TEX14: variants seen among roughly 807,000 people sequenced by gnomAD.
The protein encoded by TEX14 is testis expressed 14, intercellular bridge forming factor.
A neutral mutation model predicts 178.6 loss-of-function variants in TEX14; 168 were observed. The observed-to-expected ratio is 0.94, with a 90% CI of 0.83 to 1.07. TEX14 has a LOEUF of 1.07. Among genes scored for constraint, TEX14 ranks in the 50% least tolerant of loss-of-function variants. The pLI is 0.00. For synonymous variants in TEX14, 626 were observed against 634.1 expected (o/e 0.99, Z 0.19); for missense variants, 1,730 against 1,753.6 (o/e 0.99, Z 0.24).
intron 1 of TEX14, chr17:58,660,288 C>T (rs549008587): frequency 5.8e-6 from 1 of 172,744 alleles, no homozygotes; most frequent in African/African-American, 2.4e-5. Flanking sequence ...GTAATCCCAG[C>T]TACTCGGGAG....
chr17:58,670,328 T>G (rs1278230284), intron 1 of TEX14, among the ~76,000 whole-genome samples: 1 of 152,056 alleles, frequency 6.6e-6, no homozygotes, highest in Non-Finnish European at 1.5e-5. Context: ...TGCCTATCTA[T>G]CCATCTATCT....
rs151292866 is a variant in TEX14 at position 58,631,973 on chromosome 17, G to T, written c.137-1419C>A. 166 of 152,234 alleles carry T rather than the reference G, an allele frequency of 1.1e-3. 1 individual carries two copies. Among genetic ancestry groups the T allele is most frequent in the African/African-American group, 3.9e-3 (161 of 41,554 alleles). The allele number at this position is 152,234 out of a possible 1,614,324, so 9.4% of individuals were successfully genotyped here. A position where few individuals can be genotyped will look rare whatever the true frequency, so the allele number is the denominator to read the frequency against. On this transcript the variant is annotated intron_variant, in intron 2 of 31. Coordinates refer to ENST00000349033, the MANE Select transcript of TEX14 (RefSeq NM_031272.5). ...CAAAAACGATCTTTCCACTACCAAA[G>T]TTCGAAAAAGCATTTAAAATAAGCT...
intron 2 of TEX14, among the ~76,000 whole-genome samples, chr17:58,632,773 G>T (rs533608197): frequency 2.6e-5 from 4 of 152,294 alleles, no homozygotes; most frequent in Non-Finnish European, 4.4e-5. Context: ...TTAAAGCAGG[G>T]AAGGGGAGAG....
intron 1 of TEX14, chr17:58,675,202 T>C (rs2047376370): frequency 6.6e-6 from 1 of 151,994 alleles, no homozygotes; most frequent in Non-Finnish European, 1.5e-5. Context: ...TCAATATTCT[T>C]AGCCATCAGG....
At chr17:58,687,446 TAC>T (rs1159576428) in intron 1 of TEX14, among the ~76,000 whole-genome samples, 1 of 152,084 alleles carries the variant, frequency 6.6e-6, no homozygotes, top group African/African-American at 2.4e-5. Flanking sequence ...CCGTGCGGGT[TAC>T]AGAGTGGTGC....
At chr17:58,557,930 C>G (rs573182558) in intron 30 of TEX14, 80 bp from the exon 31 acceptor site, 1 of 1,080,440 alleles carries the variant, frequency 9.3e-7, no homozygotes, top group East Asian at 2.4e-5. Context: ...TATTAGTGCT[C>G]CCTCTAATTT....
intron 1 of TEX14, among the ~76,000 whole-genome samples, chr17:58,684,709 T>C (rs914255541): frequency 6.6e-6 from 1 of 151,902 alleles, no homozygotes; most frequent in Admixed American, 6.6e-5. Context: ...CCACTTATTT[T>C]TTAAAAACTC....
At chr17:58,648,612 C>T (rs1319005832) in intron 2 of TEX14, among the ~76,000 whole-genome samples, 3 of 152,052 alleles carry the variant, frequency 2.0e-5, no homozygotes, top group African/African-American at 7.2e-5. Context: ...CTGGTGGCAG[C>T]TTGGGGTAGG....
chr17:58,603,909 G>C (rs1452953991), intron 11 of TEX14, among the ~76,000 whole-genome samples: 9 of 146,574 alleles, frequency 6.1e-5, no homozygotes, highest in African/African-American at 2.3e-4. Context: ...GTGTGTGTGT[G>C]TGTGTGTGTG....
At position 58,623,468 on chromosome 17, in the gene TEX14, G is replaced by A. The variant is rs568906674; in HGVS notation, c.252-456C>T. Among the ~76,000 whole-genome samples the A allele has an allele frequency of 1.1e-4, 17 of 152,102 alleles. 1 individual carries two copies. The highest frequency in any genetic ancestry group is 3.9e-4 in the African/African-American group (16 of 41,506). On this transcript the variant is annotated intron_variant, in intron 3 of 31. Transcript: ENST00000349033. ...TCTCGTTTGAGAATGTCTCCCCACAGCCCCCCAAGAAAATCCTGTGGTAGA... is the reference window on the plus strand; with the variant it reads ...TCTCGTTTGAGAATGTCTCCCCACAACCCCCCAAGAAAATCCTGTGGTAGA...
At chr17:58,572,473 A>G (rs1213431714) in intron 23 of TEX14, among the ~76,000 whole-genome samples, 1 of 152,152 alleles carries the variant, frequency 6.6e-6, no homozygotes, top group Non-Finnish European at 1.5e-5. Context: ...TCTACTAAAA[A>G]TACAAAACAT....
chr17:58,655,667 G>A (rs868336746), intron 1 of TEX14, among the ~76,000 whole-genome samples: 6 of 152,166 alleles, frequency 3.9e-5, no homozygotes, highest in Middle Eastern at 3.4e-3. Context: ...TGGACTGTGA[G>A]AACAAAAAGC....
At chr17:58,629,182 C>A (rs2046220857) in intron 3 of TEX14, among the ~76,000 whole-genome samples, 1 of 152,164 alleles carries the variant, frequency 6.6e-6, no homozygotes, top group Admixed American at 6.5e-5. Flanking sequence ...GATGTTCGGC[C>A]AAGTACAGTG....
Position 58,570,496 on chromosome 17 carries a change from A to G in TEX14, c.3718-12T>C. 2.6e-6 allele frequency: 4 copies of G among 1,511,860 alleles called. No homozygotes were observed. The highest frequency in any genetic ancestry group is 2.7e-5 in the South Asian group (2 of 74,194). The allele number at this position is 1,511,860 out of a possible 1,614,324, so 93.7% of individuals were successfully genotyped here. On this transcript the variant is annotated splice_polypyrimidine_tract_variant and intron_variant, in intron 24 of 31. Coordinates refer to ENST00000349033, the MANE Select transcript of TEX14 (RefSeq NM_031272.5). The stretch of plus-strand genomic sequence containing the variant: ...GAAGACAATCTTTTCTATAAGGAAG[A>G]GATAAACATGGTAACTGTCATGTGT...
intron 1 of TEX14, among the ~76,000 whole-genome samples, chr17:58,674,614 G>A (rs911539056): frequency 6.6e-6 from 1 of 151,986 alleles, no homozygotes; most frequent in Non-Finnish European, 1.5e-5. Context: ...AGGTTGCAGT[G>A]AGCCGAGATC....
intron 22 of TEX14, among the ~76,000 whole-genome samples, 182 bp from the exon 23 acceptor site, chr17:58,573,490 A>C (rs2044592008): frequency 6.6e-6 from 1 of 152,180 alleles, no homozygotes; most frequent in Admixed American, 6.5e-5. Flanking sequence ...AACATATTTA[A>C]AAGAGATTGT....
At chr17:58,594,862 A>G (rs992531853) in intron 14 of TEX14, among the ~76,000 whole-genome samples, 1 of 152,192 alleles carries the variant, frequency 6.6e-6, no homozygotes, top group Non-Finnish European at 1.5e-5. Context: ...ATTTTAACAT[A>G]ATTTTAACAA....
chr17:58,586,869 T>G (rs908062368), intron 17 of TEX14, among the ~76,000 whole-genome samples: 2 of 152,066 alleles, frequency 1.3e-5, no homozygotes, highest in African/African-American at 4.8e-5. Context: ...GCACGTTAGG[T>G]GAACTAGTGT....
Position 58,660,837 on chromosome 17 carries a change from T to C in TEX14, c.-1-8835A>G, listed in dbSNP as rs572260900. Reference sequence around the variant, plus strand: ...CTTGGATAGCCAGCGCCAAATACTTTGGCTTGCGCCATGTTCCGAGTGAGA... The same window carrying C: ...CTTGGATAGCCAGCGCCAAATACTTCGGCTTGCGCCATGTTCCGAGTGAGA... On this transcript the variant is annotated intron_variant, in intron 1 of 31. Coordinates refer to ENST00000349033, the MANE Select transcript of TEX14 (RefSeq NM_031272.5). 1.3e-4 allele frequency: 105 copies of C among 786,414 alleles called. No homozygotes were observed. In the South Asian group the frequency reaches 1.4e-3, roughly 10 times the overall value. The allele number at this position is 786,414 out of a possible 1,614,324, so 48.7% of individuals were successfully genotyped here.
Sources: allele counts gnomAD v4.1 joint callset (sites outside exome capture counted in the v4.1 genomes callset), GRCh38; gene constraint gnomAD v4.1.1; transcripts MANE v1.5; gene names NCBI Gene and HGNC (gene_info 2026-07-23, HGNC 2026-07-21).